Variants in STX11 observed in about 807,000 individuals in gnomAD.
STX11 encodes syntaxin 11.
STX11 carries 21 observed loss-of-function variants against 19.9 expected under a neutral mutation model. The ratio of observed to expected loss-of-function variants is 1.06; its 90% CI spans 0.75 to 1.52. The LOEUF (loss-of-function observed/expected upper bound fraction) is 1.52, where lower values mean the gene tolerates loss of function less well. Ranked by LOEUF, STX11 falls within the 40% of genes most tolerant of loss-of-function variation. The pLI is 0.00. For synonymous variants in STX11, 193 were observed against 174.4 expected, an observed-to-expected ratio of 1.11 and a Z score of -0.84; for missense variants, 438 against 405.9, an observed-to-expected ratio of 1.08 and a Z score of -0.68.
rs1802190729 is a variant in STX11, at chr6:144,190,623, G to A, written c.*3132G>A. 6.6e-6 allele frequency among the ~76,000 whole-genome samples: 1 copy of A among 151,846 alleles called. No homozygotes were observed. The highest frequency in any genetic ancestry group is 6.6e-5 in the Admixed American group (1 of 15,260). Reference sequence around the variant, plus strand: ...CAGTCATAAAGATGTTTTCACTATGGCATTTCTATCCCTGTGTATATCCAA... The same window carrying A: ...CAGTCATAAAGATGTTTTCACTATGACATTTCTATCCCTGTGTATATCCAA... On this transcript the variant is annotated 3_prime_UTR_variant, in exon 2 of 2. Coordinates refer to ENST00000367568, the MANE Select transcript of STX11 (RefSeq NM_003764.4).
chr6:144,163,824 G>A (rs1036294030), intron 1 of STX11, among the ~76,000 whole-genome samples: 6 of 152,162 alleles, frequency 3.9e-5, no homozygotes, highest in Non-Finnish European at 8.8e-5. Flanking sequence ...CACATGGCTT[G>A]TAGTCCCAGT....
In STX11 at chr6:144,187,602, A is replaced by G. The variant is rs1802096664; in HGVS notation, c.*111A>G. On this transcript the variant is annotated 3_prime_UTR_variant, in exon 2 of 2. Coordinates refer to ENST00000367568, the MANE Select transcript of STX11 (RefSeq NM_003764.4). This position sits in a 1 kb window ranked among gnomAD's most constrained non-coding sequence, Gnocchi z 5.6. Reference sequence around the variant, plus strand: ...GGGAGTTGCCCCAACCCTTTCCGGAACTCAGTCTTTAGAAAAGAAACGCCA... The same window carrying G: ...GGGAGTTGCCCCAACCCTTTCCGGAGCTCAGTCTTTAGAAAAGAAACGCCA... The G allele has an allele frequency of 1.4e-6, 2 of 1,439,376 alleles. No individual in the cohort carries two copies. The highest frequency in any genetic ancestry group is 9.5e-7 in the Non-Finnish European group (1 of 1,053,078). The allele number at this position is 1,439,376 out of a possible 1,614,324, so 89.2% of individuals were successfully genotyped here. A position where few individuals can be genotyped will look rare whatever the true frequency, so the allele number is the denominator to read the frequency against.
At chr6:144,158,151 T>C (rs1801225218) in intron 1 of STX11, among the ~76,000 whole-genome samples, 1 of 152,254 alleles carries the variant, frequency 6.6e-6, no homozygotes, top group Non-Finnish European at 1.5e-5. Flanking sequence ...TAAACTCTTA[T>C]GCCTTTCGTG....
rs1329470121 is a variant in STX11 at position 144,176,790 on chromosome 6, C to G, written c.-5-9833C>G. ...GTCTAATGCCCTGTTTTTTAAAAAGCAAGGAAGTGTGTCCAGGCATTTTAG... is the reference window on the plus strand; with the variant it reads ...GTCTAATGCCCTGTTTTTTAAAAAGGAAGGAAGTGTGTCCAGGCATTTTAG... On this transcript the variant is annotated intron_variant, in intron 1 of 1. Transcript: ENST00000367568. This position sits in a 1 kb window ranked among gnomAD's most constrained non-coding sequence, Gnocchi z 4.1. Among the ~76,000 whole-genome samples the G allele has an allele frequency of 6.6e-6, 1 of 152,046 alleles. No homozygotes were observed. Among genetic ancestry groups the G allele is most frequent in the Non-Finnish European group, 1.5e-5 (1 of 68,014 alleles).
At chr6:144,147,978 G>A (rs1257846067), upstream of STX11, among the ~76,000 whole-genome samples, 1 of 152,030 alleles carries the variant, frequency 6.6e-6, no homozygotes, top group African/African-American at 2.4e-5. This position sits in a 1 kb window ranked among gnomAD's most constrained non-coding sequence, Gnocchi z 4.2. Context: ...AAATATCTGG[G>A]CACCCCATGG....
Position 144,155,558 on chromosome 6 carries a change from A to G in STX11, c.-6+4855A>G, listed in dbSNP as rs1469788503. 6.6e-6 allele frequency among the ~76,000 whole-genome samples: 1 copy of G among 152,180 alleles called. No homozygotes were observed. The highest frequency in any genetic ancestry group is 1.5e-5 in the Non-Finnish European group (1 of 68,036). On this transcript the variant is annotated intron_variant, in intron 1 of 1. Coordinates refer to ENST00000367568, the MANE Select transcript of STX11 (RefSeq NM_003764.4). The surrounding 1 kb of genome is among the most constrained non-coding windows in gnomAD (Gnocchi z 4.5). ...CTGAGCTTTTATGTGCCTGCCTATA[A>G]TTCATTCAGTGCTCAGATCACAAGA...
In STX11 at chr6:144,162,629, G is replaced by T. The variant is rs1300777160; in HGVS notation, c.-6+11926G>T. Among the ~76,000 whole-genome samples the T allele has an allele frequency of 2.0e-5, 3 of 152,204 alleles. No individual in the cohort carries two copies. Among genetic ancestry groups the T allele is most frequent in the African/African-American group, 4.8e-5 (2 of 41,448 alleles). ...TTACTGCCCTAAAACATAGAGGATG[G>T]ATCATAGGCATGGGATGTTTTGATG... is the stretch of plus-strand genomic sequence containing the variant. On this transcript the variant is annotated intron_variant, in intron 1 of 1. Coordinates refer to ENST00000367568, the MANE Select transcript of STX11 (RefSeq NM_003764.4). The surrounding 1 kb of genome is among the most constrained non-coding windows in gnomAD (Gnocchi z 4.6).
At chr6:144,149,466 AGTTTT>A (rs1205769507), upstream of STX11, among the ~76,000 whole-genome samples, 1 of 151,838 alleles carries the variant, frequency 6.6e-6, no homozygotes, top group Admixed American at 6.6e-5. The surrounding 1 kb of genome is among the most constrained non-coding windows in gnomAD (Gnocchi z 5.1). Flanking sequence ...TTCGTTCTTT[AGTTTT>A]ATTTTTTTTC....
At chr6:144,150,154 C>A (rs1562652656), upstream of STX11, among the ~76,000 whole-genome samples, 2 of 152,348 alleles carry the variant, frequency 1.3e-5, no homozygotes, top group East Asian at 1.9e-4. Context: ...CGGCTTCCAG[C>A]GTCCTCGCCG....
At position 144,167,902 on chromosome 6, in the gene STX11, T is replaced by C. The variant is rs1260526059; in HGVS notation, c.-6+17199T>C. On this transcript the variant is annotated intron_variant, in intron 1 of 1. Coordinates refer to ENST00000367568, the MANE Select transcript of STX11 (RefSeq NM_003764.4). This position sits in a 1 kb window ranked among gnomAD's most constrained non-coding sequence, Gnocchi z 5.0. ...TCCCAAAGTGCTAGGATTACAGGTG[T>C]GAACCACCATGCCTCACTACAGTCA... 6.6e-6 allele frequency among the ~76,000 whole-genome samples: 1 copy of C among 152,212 alleles called. No individual in the cohort carries two copies. Among genetic ancestry groups the C allele is most frequent in the Non-Finnish European group, 1.5e-5 (1 of 68,042 alleles).
At chr6:144,171,908 T>C (rs1801649064) in intron 1 of STX11, among the ~76,000 whole-genome samples, 1 of 152,182 alleles carries the variant, frequency 6.6e-6, no homozygotes, top group African/African-American at 2.4e-5. Flanking sequence ...AAGATATTAA[T>C]ATATACCTTA....
At position 144,188,177 on chromosome 6, in the gene STX11, T is replaced by C. The variant is rs1020007569; in HGVS notation, c.*686T>C. The C allele has an allele frequency of 4.2e-6, 1 of 238,010 alleles. No individual in the cohort carries two copies. The highest frequency in any genetic ancestry group is 2.2e-5 in the African/African-American group (1 of 44,868). The allele number at this position is 238,010 out of a possible 1,614,324, so 14.7% of individuals were successfully genotyped here. ...TAAGCACTGAATATCGAACAAGCAC[T>C]CAAATTGAAGTATCAGTCATGTTTT... On this transcript the variant is annotated 3_prime_UTR_variant, in exon 2 of 2. Coordinates refer to ENST00000367568, the MANE Select transcript of STX11 (RefSeq NM_003764.4).
rs1308050904 is a variant in STX11, at chr6:144,175,143, A to G, written c.-5-11480A>G. ...CACATGCCTGTAGTTTCAGCTACTC[A>G]GGAGGCTTAGGCATTGCTAAACATA... On this transcript the variant is annotated intron_variant, in intron 1 of 1. Coordinates refer to ENST00000367568, the MANE Select transcript of STX11 (RefSeq NM_003764.4). The surrounding 1 kb of genome is among the most constrained non-coding windows in gnomAD (Gnocchi z 5.1). Among the ~76,000 whole-genome samples, 1 of 152,002 alleles carries G rather than the reference A, an allele frequency of 6.6e-6. No homozygotes were observed. The highest frequency in any genetic ancestry group is 1.5e-5 in the Non-Finnish European group (1 of 67,976).
At chr6:144,185,609 G>A (rs1347997911) in intron 1 of STX11, among the ~76,000 whole-genome samples, 2 of 152,158 alleles carry the variant, frequency 1.3e-5, no homozygotes, top group African/African-American at 2.4e-5. Flanking sequence ...GTTTCAAAAA[G>A]CTATTAAAAG....
chr6:144,157,167 A>G (rs749081368), intron 1 of STX11, among the ~76,000 whole-genome samples: 11 of 152,206 alleles, frequency 7.2e-5, no homozygotes, highest in Non-Finnish European at 1.5e-4. Flanking sequence ...CACAATACAC[A>G]GTAGGAGAGA....
intron 1 of STX11, among the ~76,000 whole-genome samples, chr6:144,185,452 C>T (rs1404803398): frequency 6.6e-6 from 1 of 152,156 alleles, no homozygotes; most frequent in African/African-American, 2.4e-5. Flanking sequence ...CCTATATTAG[C>T]ATATATACAT....
rs1233951537 is a variant in STX11 at position 144,165,174 on chromosome 6, G to T, written c.-6+14471G>T. 5.3e-5 allele frequency among the ~76,000 whole-genome samples: 8 copies of T among 152,024 alleles called. No individual in the cohort carries two copies. The highest frequency in any genetic ancestry group is 5.2e-4 in the Admixed American group (8 of 15,268). On this transcript the variant is annotated intron_variant, in intron 1 of 1. Coordinates refer to ENST00000367568, the MANE Select transcript of STX11 (RefSeq NM_003764.4). This position sits in a 1 kb window ranked among gnomAD's most constrained non-coding sequence, Gnocchi z 5.8. ...TTCACTTTGAAGAAAAATTTTCTTG[G>T]CCGGGCGCGGTGGCTCACGCCTGTA... is the stretch of plus-strand genomic sequence containing the variant.
chr6:144,147,092 T>TCC (rs760838750), upstream of STX11, among the ~76,000 whole-genome samples: 10 of 151,494 alleles, frequency 6.6e-5, no homozygotes, highest in Admixed American at 2.0e-4. The surrounding 1 kb of genome is among the most constrained non-coding windows in gnomAD (Gnocchi z 4.2). Context: ...CCATTTTTTC[T>TCC]CCCCCATATC....
In STX11 at chr6:144,169,207, G is replaced by T. The variant is rs539746211; in HGVS notation, c.-5-17416G>T. ...TCCCTGCACAGTTGTTCTGTCCTTGGCATCCTTAATTCCTGTAGAGGCTGT... is the reference window on the plus strand; with the variant it reads ...TCCCTGCACAGTTGTTCTGTCCTTGTCATCCTTAATTCCTGTAGAGGCTGT... On this transcript the variant is annotated intron_variant, in intron 1 of 1. Coordinates refer to ENST00000367568, the MANE Select transcript of STX11 (RefSeq NM_003764.4). This position sits in a 1 kb window ranked among gnomAD's most constrained non-coding sequence, Gnocchi z 5.2. 2.0e-5 allele frequency among the ~76,000 whole-genome samples: 3 copies of T among 152,296 alleles called. No homozygotes were observed. In the South Asian group the frequency reaches 6.2e-4, roughly 32 times the overall value.
Sources: gnomAD v4.1 joint callset for allele counts (sites outside exome capture counted in the v4.1 genomes callset) on GRCh38, gnomAD v4.1.1 for gene constraint, Gnocchi (gnomAD v3.1) non-coding constraint, MANE v1.5 for transcripts, NCBI Gene and HGNC (gene_info 2026-07-23, HGNC 2026-07-21) for gene names.